Variants in PTPN5 observed in about 807,000 individuals in gnomAD.
The protein encoded by PTPN5 is protein tyrosine phosphatase non-receptor type 5, also known as tyrosine-protein phosphatase non-receptor type 5.
PTPN5 carries 29 observed loss-of-function variants against 73.9 expected under a neutral mutation model. That is an observed-to-expected ratio of 0.39 (90% confidence interval 0.29 to 0.54). The LOEUF (loss-of-function observed/expected upper bound fraction) is 0.54, where lower values mean the gene tolerates loss of function less well. PTPN5 is among the 20% of genes least tolerant of loss of function. The probability of loss-of-function intolerance (pLI) is 0.65; values close to 1 mark genes in which losing one functional copy is unlikely to be tolerated. For missense variants in PTPN5, 652 were observed against 751.4 expected (o/e 0.87, Z 1.55); for synonymous variants, 267 against 304.7 (o/e 0.88, Z 1.29).
chr11:18,746,094 T>C (rs1849605893), intron 3 of PTPN5, among the ~76,000 whole-genome samples: 2 of 150,164 alleles, frequency 1.3e-5, no homozygotes, highest in Non-Finnish European at 3.0e-5. Context: ...GGACACTCTT[T>C]TACTCAGTTT....
At chr11:18,752,090 G>T (rs981605593) in intron 3 of PTPN5, among the ~76,000 whole-genome samples, 2 of 152,150 alleles carry the variant, frequency 1.3e-5, no homozygotes, top group African/African-American at 4.8e-5. Context: ...AATTAGTCAG[G>T]TGTGGTGGTG....
At position 18,742,840 on chromosome 11, in the gene PTPN5, G is replaced by A; in HGVS notation, c.483+152C>T. On this transcript the variant is annotated intron_variant, in intron 6 of 14. Coordinates refer to ENST00000358540, the MANE Select transcript of PTPN5 (RefSeq NM_006906.2). The surrounding 1 kb of genome is among the most constrained non-coding windows in gnomAD (Gnocchi z 4.1). The stretch of plus-strand genomic sequence containing the variant: ...AATTTTCGGAAAGAAGGAGGCTCTT[G>A]CCCCAGGCTGGCACACTTGTGCAAA... 1 of 674,916 alleles carries A rather than the reference G, an allele frequency of 1.5e-6. No homozygotes were observed. The highest frequency in any genetic ancestry group is 2.6e-6 in the Non-Finnish European group (1 of 390,032). 41.8% of individuals were successfully genotyped at this position (674,916 alleles called of 1,614,324 possible).
At position 18,744,109 on chromosome 11, in the gene PTPN5, G is replaced by A. The variant is rs1173873025; in HGVS notation, c.188C>T (p.Ser63Leu). Reference sequence around the variant, plus strand: ...CTTCTGAGCTGGATCTGAGGGCGGCGAGGGAGGAGGGGGTGGCGGCATCTC... The same window carrying A: ...CTTCTGAGCTGGATCTGAGGGCGGCAAGGGAGGAGGGGGTGGCGGCATCTC... Reference protein sequence around the residue: ...QREMPPPPPPSPPSDPAQKPP... With the variant: ...QREMPPPPPPLPPSDPAQKPP... The change falls in exon 4 of 15, where the codon TCG becomes TTG. Residue 63 changes from serine to leucine, a missense_variant. Physicochemically the swap from Ser to Leu is moderately radical, Grantham distance 145. Around this residue, in one of 3 missense-constraint regions of PTPN5, gnomAD observed 529 missense variants for 573.9 expected, o/e 0.92. Coordinates refer to ENST00000358540, the MANE Select transcript of PTPN5 (RefSeq NM_006906.2). 3.1e-6 allele frequency: 5 copies of A among 1,611,470 alleles called. No homozygotes were observed. Among genetic ancestry groups the A allele is most frequent in the Non-Finnish European group, 2.5e-6 (3 of 1,179,078 alleles).
At chr11:18,752,228 G>A (rs1214628380) in intron 3 of PTPN5, among the ~76,000 whole-genome samples, 1 of 152,180 alleles carries the variant, frequency 6.6e-6, no homozygotes, top group African/African-American at 2.4e-5. Context: ...GCGAAACTCC[G>A]TCTTAAAAGA....
At chr11:18,757,882 C>A (rs1850226077) in intron 3 of PTPN5, among the ~76,000 whole-genome samples, 1 of 152,218 alleles carries the variant, frequency 6.6e-6, no homozygotes, top group South Asian at 2.1e-4. Context: ...AGTTAGCTAT[C>A]TAGACATAAC....
Position 18,728,713 on chromosome 11 carries a change from G to C in PTPN5, c.*221C>G. The C allele has an allele frequency of 2.0e-6, 1 of 494,378 alleles. No homozygotes were observed. The highest frequency in any genetic ancestry group is 3.7e-5 in the East Asian group (1 of 27,394). The allele number at this position is 494,378 out of a possible 1,614,324, so 30.6% of individuals were successfully genotyped here. A position where few individuals can be genotyped will look rare whatever the true frequency, so the allele number is the denominator to read the frequency against. On this transcript the variant is annotated 3_prime_UTR_variant, in exon 15 of 15. Transcript: ENST00000358540. The surrounding 1 kb of genome is among the most constrained non-coding windows in gnomAD (Gnocchi z 4.1). ...GGTCAGGCCCCGGGGCCCCAGGCCT[G>C]GCCTGGCATGTCCCTTCCCGACCCT...
intron 12 of PTPN5, 61 bp downstream of exon 12, chr11:18,732,531 A>T: frequency 8.0e-7 from 1 of 1,243,324 alleles, no homozygotes. Context: ...TTCTCTGTGG[A>T]GCCCCCAGTT....
At chr11:18,740,923 G>A in intron 7 of PTPN5, 131 bp from the exon 8 acceptor site, 2 of 494,256 alleles carry the variant, frequency 4.0e-6, no homozygotes, top group Admixed American at 4.2e-5. Context: ...GAAGAGGAGT[G>A]GGAGTGTGAC....
chr11:18,742,147 C>T lies in PTPN5; in HGVS notation c.725+115G>A. On this transcript the variant is annotated intron_variant, in intron 7 of 14. Coordinates refer to ENST00000358540, the MANE Select transcript of PTPN5 (RefSeq NM_006906.2). The surrounding 1 kb of genome is among the most constrained non-coding windows in gnomAD (Gnocchi z 4.1). The stretch of plus-strand genomic sequence containing the variant: ...ATAGCACATGTCTACACTGGCTAAG[C>T]TATAAGGCCAGCTCTGCCCTGGGCA... 7 of 1,437,686 alleles carry T rather than the reference C, an allele frequency of 4.9e-6. No individual in the cohort carries two copies. Among genetic ancestry groups the T allele is most frequent in the Non-Finnish European group, 5.7e-6 (6 of 1,050,814 alleles). 89.1% of individuals were successfully genotyped at this position (1,437,686 alleles called of 1,614,324 possible). A position where few individuals can be genotyped will look rare whatever the true frequency, so the allele number is the denominator to read the frequency against.
chr11:18,737,465 A>G (rs889264226), intron 9 of PTPN5, among the ~76,000 whole-genome samples: 2 of 152,188 alleles, frequency 1.3e-5, no homozygotes, highest in Non-Finnish European at 2.9e-5. Context: ...ACAGAGGCCC[A>G]GGTCTGAAAT....
intron 3 of PTPN5, among the ~76,000 whole-genome samples, chr11:18,746,162 A>AATATGTATAT (rs1735301344): frequency 7.4e-5 from 5 of 67,638 alleles, no homozygotes; most frequent in Non-Finnish European, 1.5e-4. Flanking sequence ...TATAAATATA[A>AATATGTATAT]ATATATATAT....
At chr11:18,775,853 G>T (rs1444045173) in intron 1 of PTPN5, among the ~76,000 whole-genome samples, 1 of 152,184 alleles carries the variant, frequency 6.6e-6, no homozygotes, top group Non-Finnish European at 1.5e-5. Flanking sequence ...GGGTGGAACG[G>T]CAGTGAACCA....
intron 8 of PTPN5, among the ~76,000 whole-genome samples, chr11:18,738,326 A>C (rs759144713): frequency 6.6e-6 from 1 of 152,104 alleles, no homozygotes; most frequent in Non-Finnish European, 1.5e-5. Flanking sequence ...CTCGGGACCT[A>C]GGTTCGTGCT....
At chr11:18,746,196 T>TATATACACC (rs1162694331) in intron 3 of PTPN5, among the ~76,000 whole-genome samples, 1 of 80,528 alleles carries the variant, frequency 1.2e-5, no homozygotes, top group Non-Finnish European at 3.1e-5. Flanking sequence ...TATATATACA[T>TATATACACC]TTTTTTTTTT....
intron 5 of PTPN5, 76 bp downstream of exon 5, chr11:18,743,246 C>A: frequency 2.1e-6 from 3 of 1,436,452 alleles, no homozygotes; most frequent in Middle Eastern, 1.8e-4. Flanking sequence ...GAAGCCCAAT[C>A]TGGAGGTTGG....
intron 1 of PTPN5, among the ~76,000 whole-genome samples, chr11:18,783,049 G>T (rs1300127880): frequency 3.9e-5 from 6 of 152,246 alleles, no homozygotes; most frequent in African/African-American, 1.4e-4. Flanking sequence ...GTGGATATAT[G>T]ATTTTCACTG....
At chr11:18,758,350 A>G (rs12361194) in intron 3 of PTPN5, among the ~76,000 whole-genome samples, 47,255 of 152,076 alleles carry the variant, frequency 0.31, 8,987 homozygotes, top group Admixed American at 0.47. Context: ...TGGTAATCAC[A>G]TAAGAAGTCC....
chr11:18,775,144 TAA>T (rs1851086336), intron 1 of PTPN5, among the ~76,000 whole-genome samples: 1 of 152,196 alleles, frequency 6.6e-6, no homozygotes, highest in African/African-American at 2.4e-5. Flanking sequence ...TTCAGAGAAG[TAA>T]AGTGACCTGC....
At chr11:18,746,186 T>TAC (rs1849622069) in intron 3 of PTPN5, among the ~76,000 whole-genome samples, 1 of 117,448 alleles carries the variant, frequency 8.5e-6, no homozygotes, top group Non-Finnish European at 1.9e-5. Flanking sequence ...TATATATATA[T>TAC]ATATATACAT....
Sources: allele counts gnomAD v4.1 joint callset (sites outside exome capture counted in the v4.1 genomes callset), GRCh38; gene constraint gnomAD v4.1.1; regional missense constraint gnomAD v4.1.1; non-coding constraint Gnocchi (gnomAD v3.1); transcripts MANE v1.5; gene names NCBI Gene and HGNC (gene_info 2026-07-23, HGNC 2026-07-21).